The following PLD1 variants were observed in gnomAD, a reference collection of about 807,000 sequenced individuals.
PLD1 encodes choline phosphatase 1.
A neutral mutation model predicts 137.1 loss-of-function variants in PLD1; 112 were observed. The observed-to-expected ratio is 0.82, with a 90% confidence interval of 0.70 to 0.96. The LOEUF is 0.96. Ranked by LOEUF, PLD1 falls within the 40% of genes least tolerant of loss-of-function variation. The probability of loss-of-function intolerance (pLI) is 0.00; values close to 1 mark genes in which losing one functional copy is unlikely to be tolerated. For missense variants in PLD1, 1,321 were observed against 1,342.0 expected (o/e 0.98, Z 0.24); for synonymous variants, 431 against 454.7 (o/e 0.95, Z 0.66).
At chr3:171,695,091 T>C (rs1715557516) in intron 12 of PLD1, among the ~76,000 whole-genome samples, 1 of 152,234 alleles carries the variant, frequency 6.6e-6, no homozygotes, top group Non-Finnish European at 1.5e-5. Context: ...GGTCAAGGTA[T>C]TGACTATTAT....
At chr3:171,635,517 T>C (rs995911314) in intron 23 of PLD1, among the ~76,000 whole-genome samples, 4 of 152,124 alleles carry the variant, frequency 2.6e-5, no homozygotes, top group African/African-American at 9.6e-5. Context: ...TAGTGACTAG[T>C]GATATTGAGT....
intron 3 of PLD1, among the ~76,000 whole-genome samples, chr3:171,737,286 T>C (rs577684953): frequency 7.9e-5 from 12 of 152,340 alleles, no homozygotes; most frequent in African/African-American, 2.4e-4. Context: ...TAATTTGCCT[T>C]ACATGCCTTT....
chr3:171,697,790 A>G (rs1018067830), intron 12 of PLD1, among the ~76,000 whole-genome samples: 8 of 152,160 alleles, frequency 5.3e-5, no homozygotes, highest in South Asian at 2.1e-4. Flanking sequence ...GGAAAGCCCA[A>G]TGCTTTCCCT....
chr3:171,744,478 C>T (rs1039802472), intron 1 of PLD1, among the ~76,000 whole-genome samples: 3 of 152,204 alleles, frequency 2.0e-5, no homozygotes, highest in Non-Finnish European at 2.9e-5. Context: ...CTAGTCTGAT[C>T]TCAGGGAGCC....
intron 1 of PLD1, among the ~76,000 whole-genome samples, chr3:171,795,256 A>C (rs558812415): frequency 6.6e-6 from 1 of 152,232 alleles, no homozygotes; most frequent in Admixed American, 6.5e-5. Flanking sequence ...TGTGTCGCCC[A>C]TGGGAACCTG....
chr3:171,801,222 C>T (rs1183583315), intron 1 of PLD1, among the ~76,000 whole-genome samples: 3 of 152,186 alleles, frequency 2.0e-5, no homozygotes, highest in African/African-American at 7.2e-5. Flanking sequence ...ACCAAAAAGA[C>T]TCTGTGCTTG....
At position 171,689,032 on chromosome 3, in the gene PLD1, T is replaced by C. The variant is rs111990833; in HGVS notation, c.1339-156A>G. 1.4e-3 allele frequency among the ~76,000 whole-genome samples: 207 copies of C among 152,156 alleles called. 3 individuals carry two copies. Among genetic ancestry groups the C allele is most frequent in the African/African-American group, 4.8e-3 (198 of 41,484 alleles). On this transcript the variant is annotated intron_variant, in intron 13 of 26. Coordinates refer to ENST00000351298, the MANE Select transcript of PLD1 (RefSeq NM_002662.5). ...AAAGAAAATAATTTTATTCTCAGCATTTAGCAAAAAGAAAAAGAAAAAAAA... is the reference window on the plus strand; with the variant it reads ...AAAGAAAATAATTTTATTCTCAGCACTTAGCAAAAAGAAAAAGAAAAAAAA...
intron 19 of PLD1, among the ~76,000 whole-genome samples, chr3:171,672,632 C>T (rs1447609285): frequency 6.6e-6 from 1 of 151,924 alleles, no homozygotes; most frequent in African/African-American, 2.4e-5. Context: ...GGACCGCAAG[C>T]ATGTGCCACC....
chr3:171,795,001 G>T (rs1723375294), intron 1 of PLD1, among the ~76,000 whole-genome samples: 1 of 152,166 alleles, frequency 6.6e-6, no homozygotes, highest in African/African-American at 2.4e-5. Flanking sequence ...CACATTTTCT[G>T]GAGAGCTGGT....
intron 1 of PLD1, among the ~76,000 whole-genome samples, chr3:171,764,691 G>A (rs1721683532): frequency 6.6e-6 from 1 of 151,538 alleles, no homozygotes; most frequent in Non-Finnish European, 1.5e-5. Context: ...GGGAAGATGG[G>A]GCCTGCAGAG....
At chr3:171,723,074 G>A (rs1368745662) in intron 8 of PLD1, among the ~76,000 whole-genome samples, 1 of 151,770 alleles carries the variant, frequency 6.6e-6, no homozygotes, top group African/African-American at 2.4e-5. Flanking sequence ...CACCTGTTGT[G>A]CTATCAAATA....
intron 24 of PLD1, among the ~76,000 whole-genome samples, chr3:171,613,702 T>G (rs967292738): frequency 1.3e-5 from 2 of 152,196 alleles, no homozygotes; most frequent in African/African-American, 4.8e-5. Flanking sequence ...CATTTTTTTT[T>G]TTAAATCCAA....
intron 16 of PLD1, among the ~76,000 whole-genome samples, chr3:171,685,754 C>A (rs1714484828): frequency 6.6e-6 from 1 of 152,160 alleles, no homozygotes; most frequent in Non-Finnish European, 1.5e-5. Flanking sequence ...GGAGTATCTT[C>A]TTACCAAAGG....
At chr3:171,628,880 C>T (rs1278129592) in intron 23 of PLD1, among the ~76,000 whole-genome samples, 31 of 151,856 alleles carry the variant, frequency 2.0e-4, no homozygotes, top group Admixed American at 1.8e-3. Flanking sequence ...AAAGAGCTAT[C>T]TATGACAAAC....
chr3:171,798,857 G>A (rs909774339), intron 1 of PLD1, among the ~76,000 whole-genome samples: 2 of 152,104 alleles, frequency 1.3e-5, no homozygotes, highest in Non-Finnish European at 2.9e-5. Flanking sequence ...CAGCCATGCT[G>A]GGATGGGCCT....
At chr3:171,669,967 A>G (rs1712576670) in intron 19 of PLD1, among the ~76,000 whole-genome samples, 1 of 152,110 alleles carries the variant, frequency 6.6e-6, no homozygotes, top group African/African-American at 2.4e-5. Context: ...GCTACCTTAT[A>G]TTTTTCTTCA....
chr3:171,676,755 T>C lies in PLD1; in HGVS notation c.2075A>G (p.Asp692Gly). 6.2e-7 allele frequency: 1 copy of C among 1,614,106 alleles called. No individual in the cohort carries two copies. Among genetic ancestry groups the C allele is most frequent in the Non-Finnish European group, 8.5e-7 (1 of 1,180,010 alleles). Reference sequence around the variant, plus strand: ...GCGCTGGATGAAGTGACGTGCCACATCACGAGCCGCCTTCCCGTGGACTGC... The same window carrying C: ...GCGCTGGATGAAGTGACGTGCCACACCACGAGCCGCCTTCCCGTGGACTGC... ...ASAVHGKAAR[D>G]VARHFIQRWN... The change falls in exon 18 of 27, where the codon GAT becomes GGT. Residue 692 changes from aspartate (D) to glycine (G), a missense_variant. Physicochemically the swap from Asp to Gly is moderately conservative, Grantham distance 94 (BLOSUM62 -1). Transcript: ENST00000351298.
intron 23 of PLD1, among the ~76,000 whole-genome samples, chr3:171,639,327 A>T (rs1437610127): frequency 2.2e-5 from 3 of 136,088 alleles, no homozygotes; most frequent in Non-Finnish European, 4.6e-5. Context: ...ATATATAAAT[A>T]TTTTCATATA....
At chr3:171,801,436 G>T (rs377466693) in intron 1 of PLD1, among the ~76,000 whole-genome samples, 89 of 152,280 alleles carry the variant, frequency 5.8e-4, no homozygotes, top group African/African-American at 2.1e-3. Context: ...TTTGTTTCTT[G>T]TTTTTGTTTT....
Sources: gnomAD v4.1 joint callset for allele counts (sites outside exome capture counted in the v4.1 genomes callset) on GRCh38, gnomAD v4.1.1 for gene constraint, MANE v1.5 for transcripts, NCBI Gene and HGNC (gene_info 2026-07-23, HGNC 2026-07-21) for gene names.